Variants in SYT2 observed in about 807,000 individuals in gnomAD.
SYT2 encodes the protein synaptotagmin-2.
A neutral mutation model predicts 39.9 loss-of-function variants in SYT2; 15 were observed. The ratio of observed to expected loss-of-function variants is 0.38; its 90% CI spans 0.25 to 0.58. The LOEUF (loss-of-function observed/expected upper bound fraction) is 0.58. Ranked by LOEUF, SYT2 falls within the 20% of genes least tolerant of loss-of-function variation. SYT2 has a pLI of 0.70. For synonymous variants in SYT2, 181 were observed against 204.5 expected (o/e 0.89, Z 0.98); for missense variants, 389 against 530.3 (o/e 0.73, Z 2.62).
rs1332745817 is a variant in SYT2 at position 202,628,029 on chromosome 1, T to C, written c.-17-22240A>G. 6.6e-6 allele frequency among the ~76,000 whole-genome samples: 1 copy of C among 151,884 alleles called. No homozygotes were observed. Among genetic ancestry groups the C allele is most frequent in the Non-Finnish European group, 1.5e-5 (1 of 67,960 alleles). On this transcript the variant is annotated intron_variant, in intron 1 of 8. Transcript: ENST00000367268. The surrounding 1 kb of genome is among the most constrained non-coding windows in gnomAD (Gnocchi z 4.2). ...CCAACAAAGAGCCCCAGGGAGCTCC[T>C]CAAGCACACTGGGAAGGTGGGTCTA...
chr1:202,662,914 G>A (rs906966284), intron 1 of SYT2, among the ~76,000 whole-genome samples: 2 of 152,212 alleles, frequency 1.3e-5, no homozygotes, highest in African/African-American at 4.8e-5. Flanking sequence ...AATAATAATG[G>A]AGAAGTGACT....
intron 1 of SYT2, among the ~76,000 whole-genome samples, chr1:202,702,153 T>G (rs568018483): frequency 6.6e-6 from 1 of 152,284 alleles, no homozygotes; most frequent in East Asian, 1.9e-4. Context: ...AGGGCACCCC[T>G]GCCACCCTCT....
intron 1 of SYT2, among the ~76,000 whole-genome samples, chr1:202,612,956 ATTG>A (rs979665849): frequency 3.3e-5 from 5 of 151,222 alleles, no homozygotes; most frequent in Non-Finnish European, 5.9e-5. Context: ...TATAAATGGA[ATTG>A]TTTTCTTAAT....
chr1:202,591,479 T>G lies in SYT2; in HGVS notation c.*5278A>C, dbSNP rs1690115209. On this transcript the variant is annotated 3_prime_UTR_variant, in exon 9 of 9. Transcript: ENST00000367268. Reference sequence around the variant, plus strand: ...AGGCCCCTCTACTCACCTCTGCTACTTGGTGCAACTGGCTGGGGCTTCTCT... The same window carrying G: ...AGGCCCCTCTACTCACCTCTGCTACGTGGTGCAACTGGCTGGGGCTTCTCT... 1 of 152,536 alleles carries G rather than the reference T, an allele frequency of 6.6e-6. No individual in the cohort carries two copies. The highest frequency in any genetic ancestry group is 2.4e-5 in the African/African-American group (1 of 41,450). 9.4% of individuals were successfully genotyped at this position (152,536 alleles called of 1,614,324 possible).
At chr1:202,619,266 G>A (rs1164289192) in intron 1 of SYT2, among the ~76,000 whole-genome samples, 1 of 152,180 alleles carries the variant, frequency 6.6e-6, no homozygotes, top group African/African-American at 2.4e-5. Context: ...GGGTGCCAGG[G>A]CTCCCAGGAC....
chr1:202,600,417 G>A lies in SYT2; in HGVS notation c.859C>T (p.Leu287Phe), dbSNP rs1259248501. The A allele has an allele frequency of 6.2e-7, 1 of 1,614,120 alleles. No homozygotes were observed. Among genetic ancestry groups the A allele is most frequent in the African/African-American group, 1.3e-5 (1 of 74,940 alleles). ...TTAGCCTCCAGGATGCAGACAGTGA[G>A]CTTCCCGGCCGTGGGCACATAGCGC... ...SLRYVPTAGK[L>F]TVCILEAKNL... The change falls in exon 7 of 9, where the codon CTC (leucine) becomes TTC (phenylalanine). Residue 287 changes from leucine to phenylalanine, a missense_variant. By Grantham distance (22) the Leu-to-Phe change is conservative. Coordinates refer to ENST00000367268, the MANE Select transcript of SYT2 (RefSeq NM_177402.5).
intron 1 of SYT2, among the ~76,000 whole-genome samples, chr1:202,681,822 C>T (rs58922547): frequency 7.6e-4 from 116 of 152,298 alleles, no homozygotes; most frequent in African/African-American, 2.6e-3. Flanking sequence ...CTCCCAGCAC[C>T]GCCTGGCCAG....
At chr1:202,635,144 G>A (rs1353944821) in intron 1 of SYT2, among the ~76,000 whole-genome samples, 4 of 152,130 alleles carry the variant, frequency 2.6e-5, no homozygotes, top group East Asian at 1.9e-4. Flanking sequence ...GGCTCAGAGC[G>A]AGTCAGCAAC....
chr1:202,643,954 G>C (rs1384697677), intron 1 of SYT2, among the ~76,000 whole-genome samples: 1 of 152,228 alleles, frequency 6.6e-6, no homozygotes, highest in Non-Finnish European at 1.5e-5. Flanking sequence ...GTAGGGAATG[G>C]CCTGCGGGCA....
chr1:202,704,651 T>G (rs1654203284), intron 1 of SYT2, among the ~76,000 whole-genome samples: 1 of 90,554 alleles, frequency 1.1e-5, no homozygotes, highest in Non-Finnish European at 2.7e-5. Flanking sequence ...AGCCCACCCC[T>G]AGGACCCTGA....
chr1:202,613,078 T>C, intron 1 of SYT2, among the ~76,000 whole-genome samples: 1 of 121,228 alleles, frequency 8.2e-6, no homozygotes, highest in African/African-American at 3.0e-5. Flanking sequence ...CTTTTTTTTT[T>C]TTTTTTTTTT....
intron 5 of SYT2, 109 bp from the exon 6 acceptor site, chr1:202,602,166 G>A (rs1308363445): frequency 1.5e-5 from 17 of 1,139,748 alleles, no homozygotes; most frequent in Middle Eastern, 3.5e-4. Flanking sequence ...TTAGTGTGCC[G>A]AGACAGACAA....
At chr1:202,640,806 G>GACAGAC in intron 1 of SYT2, among the ~76,000 whole-genome samples, 1 of 149,332 alleles carries the variant, frequency 6.7e-6, no homozygotes, top group Non-Finnish European at 1.5e-5. Flanking sequence ...GACAGACAGA[G>GACAGAC]AGACAGAGAG....
At chr1:202,612,262 G>C (rs1355510321) in intron 1 of SYT2, among the ~76,000 whole-genome samples, 1 of 151,988 alleles carries the variant, frequency 6.6e-6, no homozygotes, top group East Asian at 1.9e-4. Context: ...TAACCTCATG[G>C]CAATACCACA....
intron 1 of SYT2, among the ~76,000 whole-genome samples, chr1:202,613,555 A>G (rs1325947687): frequency 6.6e-6 from 1 of 152,198 alleles, no homozygotes; most frequent in Non-Finnish European, 1.5e-5. Flanking sequence ...AAGTGGTGAC[A>G]GTGGGAATTC....
Position 202,639,801 on chromosome 1 carries a change from G to A in SYT2, c.-17-34012C>T, listed in dbSNP as rs1043860077. The A allele has an allele frequency of 1.0e-4, 103 of 985,434 alleles. No homozygotes were observed. The East Asian group carries it at 1.6e-3, about 15-fold the overall frequency. 61.0% of individuals were successfully genotyped at this position (985,434 alleles called of 1,614,324 possible). On this transcript the variant is annotated intron_variant, in intron 1 of 8. Coordinates refer to ENST00000367268, the MANE Select transcript of SYT2 (RefSeq NM_177402.5). ...AACTCCTGGAGCCTGAGGCCAGTGC[G>A]CAGCAAGAGGAGGACACAGGACGTT...
chr1:202,603,443 G>A (rs1690591136), intron 3 of SYT2, among the ~76,000 whole-genome samples: 1 of 152,174 alleles, frequency 6.6e-6, no homozygotes, highest in Admixed American at 6.5e-5. Flanking sequence ...TGGTGTGGGG[G>A]TAGGATTTAC....
chr1:202,683,781 T>C (rs1360420448), intron 1 of SYT2, among the ~76,000 whole-genome samples: 1 of 151,370 alleles, frequency 6.6e-6, no homozygotes, highest in African/African-American at 2.4e-5. Context: ...ATTATTCCAG[T>C]TCAAAAACAA....
At chr1:202,605,545 C>A in intron 2 of SYT2, 50 bp downstream of exon 2, 1 of 1,563,900 alleles carries the variant, frequency 6.4e-7, no homozygotes, top group South Asian at 1.1e-5. Context: ...TTCTTCACCT[C>A]TCCCAGACTC....
Sources: gnomAD v4.1 joint callset for allele counts (sites outside exome capture counted in the v4.1 genomes callset) on GRCh38, gnomAD v4.1.1 for gene constraint, Gnocchi (gnomAD v3.1) non-coding constraint, MANE v1.5 for transcripts, NCBI Gene and HGNC (gene_info 2026-07-23, HGNC 2026-07-21) for gene names.